The following ANKRD52 variants were observed in gnomAD, a reference collection of about 807,000 sequenced individuals.
ANKRD52 encodes ankyrin repeat domain 52.
A neutral mutation model predicts 116.0 loss-of-function variants in ANKRD52; 7 were observed. The observed-to-expected ratio is 0.06, with a 90% CI of 0.03 to 0.11. The LOEUF (loss-of-function observed/expected upper bound fraction) is 0.11, where lower values mean the gene tolerates loss of function less well. ANKRD52 is among the 10% of genes least tolerant of loss of function. The pLI, the probability that ANKRD52 is intolerant of heterozygous loss-of-function variation, is 1.00. For missense variants in ANKRD52, 839 were observed against 1,408.6 expected (o/e 0.60, Z 6.47); for synonymous variants, 528 against 578.1 (o/e 0.91, Z 1.24).
At chr12:56,245,296 TCCC>T in intron 21 of ANKRD52, 78 bp downstream of exon 21, 1 of 1,599,338 alleles carries the variant, frequency 6.3e-7, no homozygotes, top group Non-Finnish European at 8.5e-7. Context: ...TCAACCCAGG[TCCC>T]CCCCAACAAC....
intron 20 of ANKRD52, among the ~76,000 whole-genome samples, chr12:56,246,989 A>G (rs1456755448): frequency 6.7e-6 from 1 of 149,308 alleles, no homozygotes; most frequent in Non-Finnish European, 1.5e-5. Flanking sequence ...AAGCACAGAT[A>G]TCAGGGAAAT....
In ANKRD52 at chr12:56,253,789, C is replaced by T; in HGVS notation, c.918G>A (p.Gly306=). 1.2e-6 allele frequency: 2 copies of T among 1,613,890 alleles called. No homozygotes were observed. Among genetic ancestry groups the T allele is most frequent in the African/African-American group, 1.3e-5 (1 of 75,014 alleles). The change falls in exon 9 of 28, where the codon GGG becomes GGA. Residue 306 remains glycine, a synonymous_variant. Coordinates refer to ENST00000267116, the MANE Select transcript of ANKRD52 (RefSeq NM_173595.4). The surrounding 1 kb of genome is among the most constrained non-coding windows in gnomAD (Gnocchi z 5.5). ...TTGCAGCCATGTGCAGAGGACTTTTCCCTTCTTTGCTCTGTGGAAACATGG... is the reference window on the plus strand; with the variant it reads ...TTGCAGCCATGTGCAGAGGACTTTTTCCTTCTTTGCTCTGTGGAAACATGG... ...GADVNYQSKE[G]KSPLHMAAIH... is the part of the protein sequence containing the mutation.
chr12:56,257,229 T>G lies in ANKRD52; in HGVS notation c.190+54A>C, dbSNP rs568043739. ...GCAATCCTTGAATATCAAAAAAGAC[T>G]CCTCCCCTCCCTTCGCTCCCTATGT... On this transcript the variant is annotated intron_variant, in intron 3 of 27. Coordinates refer to ENST00000267116, the MANE Select transcript of ANKRD52 (RefSeq NM_173595.4). 17 of 1,549,260 alleles carry G rather than the reference T, an allele frequency of 1.1e-5. No individual in the cohort carries two copies. The South Asian group carries it at 1.9e-4, about 17-fold the overall frequency.
Position 56,248,243 on chromosome 12 carries a change from C to G in ANKRD52, c.1777-19G>C. The G allele has an allele frequency of 6.2e-7, 1 of 1,612,404 alleles. No homozygotes were observed. Among genetic ancestry groups the G allele is most frequent in the Non-Finnish European group, 8.5e-7 (1 of 1,179,330 alleles). ...TGTAGGCCTGGCAAGGTGCAGGCAA[C>G]CAGTGCACACAGCTCGGGACCTTCC... On this transcript the variant is annotated intron_variant, in intron 17 of 27. Coordinates refer to ENST00000267116, the MANE Select transcript of ANKRD52 (RefSeq NM_173595.4). This position sits in a 1 kb window ranked among gnomAD's most constrained non-coding sequence, Gnocchi z 5.1.
At position 56,252,260 on chromosome 12, in the gene ANKRD52, C is replaced by T; in HGVS notation, c.1426G>A (p.Val476Met). The T allele has an allele frequency of 6.2e-7, 1 of 1,613,974 alleles. No homozygotes were observed. Among genetic ancestry groups the T allele is most frequent in the South Asian group, 1.1e-5 (1 of 91,086 alleles). The change falls in exon 14 of 28, where the codon GTG becomes ATG. Residue 476 changes from valine to methionine, a missense_variant. Coordinates refer to ENST00000267116, the MANE Select transcript of ANKRD52 (RefSeq NM_173595.4). The surrounding 1 kb of genome is among the most constrained non-coding windows in gnomAD (Gnocchi z 4.7). Reference protein sequence around the residue: ...NGSYQCAVTLVTAGAGVNEAD... With the variant: ...NGSYQCAVTLMTAGAGVNEAD... ...TCGTTGACACCTGCCCCAGCAGTCA[C>T]CAATGTTACTGCACACTGGTAGCTA...
At chr12:56,256,418 A>G (rs1871955388) in intron 4 of ANKRD52, among the ~76,000 whole-genome samples, 1 of 152,170 alleles carries the variant, frequency 6.6e-6, no homozygotes. Flanking sequence ...TATCTCAGTA[A>G]GCAAACAGAT....
rs762207581 is a variant in ANKRD52 at position 56,252,227 on chromosome 12, A to G, written c.1459T>C (p.Cys487Arg). 5.6e-6 allele frequency: 9 copies of G among 1,613,976 alleles called. No individual in the cohort carries two copies. The highest frequency in any genetic ancestry group is 6.8e-6 in the Non-Finnish European group (8 of 1,179,878). Residue 487 changes from cysteine to arginine, a missense_variant, in exon 14 of 28, where the codon TGT becomes CGT. Transcript: ENST00000267116. The surrounding 1 kb of genome is among the most constrained non-coding windows in gnomAD (Gnocchi z 4.7). ...TAGTGGAGGGGAGAGCAGCCTTTAC[A>G]GTCGGCCTCGTTGACACCTGCCCCA... ...TAGAGVNEAD[C>R]KGCSPLHYAA...
At chr12:56,256,579 TG>T (rs1871964780) in intron 4 of ANKRD52, among the ~76,000 whole-genome samples, 1 of 152,100 alleles carries the variant, frequency 6.6e-6, no homozygotes, top group Admixed American at 6.6e-5. Context: ...TCAGGGCTGA[TG>T]GGAATAGGAT....
At position 56,258,277 on chromosome 12, in the gene ANKRD52, C is replaced by T. The variant is rs764273733; in HGVS notation, c.-8G>A. 1.1e-5 allele frequency: 17 copies of T among 1,578,322 alleles called. No individual in the cohort carries two copies. The highest frequency in any genetic ancestry group is 1.5e-5 in the Non-Finnish European group (17 of 1,165,732). On this transcript the variant is annotated 5_prime_UTR_variant, in exon 1 of 28. Coordinates refer to ENST00000267116, the MANE Select transcript of ANKRD52 (RefSeq NM_173595.4). The stretch of plus-strand genomic sequence containing the variant: ...GATGCTGAGGATCCCCATGGCTCGG[C>T]CCGGGCTCCGTCCGCATCGAGCTCC...
At position 56,248,141 on chromosome 12, in the gene ANKRD52, G is replaced by A. The variant is rs748521349; in HGVS notation, c.1860C>T (p.Thr620=). Reference sequence around the variant, plus strand: ...CGCGCTCCGTGGCCAGGAAGAGTGCGGTCCGGCCCTTGTGGTCCCTTACGT... The same window carrying A: ...CGCGCTCCGTGGCCAGGAAGAGTGCAGTCCGGCCCTTGTGGTCCCTTACGT... ...NLDVRDHKGR[T]ALFLATERGS... Residue 620 remains threonine, a synonymous_variant, in exon 18 of 28, where the codon ACC becomes ACT. Coordinates refer to ENST00000267116, the MANE Select transcript of ANKRD52 (RefSeq NM_173595.4). This position sits in a 1 kb window ranked among gnomAD's most constrained non-coding sequence, Gnocchi z 5.1. The A allele has an allele frequency of 5.6e-5, 91 of 1,613,814 alleles. No individual in the cohort carries two copies. Among genetic ancestry groups the A allele is most frequent in the Admixed American group, 2.3e-4 (14 of 60,014 alleles).
rs1336567849 is a variant in ANKRD52, at chr12:56,254,768, G to C, written c.551-48C>G. On this transcript the variant is annotated intron_variant, in intron 6 of 27. Coordinates refer to ENST00000267116, the MANE Select transcript of ANKRD52 (RefSeq NM_173595.4). The surrounding 1 kb of genome is among the most constrained non-coding windows in gnomAD (Gnocchi z 4.6). Reference sequence around the variant, plus strand: ...AAAGGAAGTAGAAGGTAAACTCTAAGACCCTACACTCCTCTCTTCAAAGGC... The same window carrying C: ...AAAGGAAGTAGAAGGTAAACTCTAACACCCTACACTCCTCTCTTCAAAGGC... The C allele has an allele frequency of 6.3e-7, 1 of 1,598,374 alleles. No homozygotes were observed. Among genetic ancestry groups the C allele is most frequent in the African/African-American group, 1.3e-5 (1 of 74,556 alleles).
At chr12:56,245,992 G>A (rs1390885271) in intron 20 of ANKRD52, among the ~76,000 whole-genome samples, 1 of 151,814 alleles carries the variant, frequency 6.6e-6, no homozygotes, top group Admixed American at 6.6e-5. Flanking sequence ...TGGGATTACA[G>A]GCATGAGCCA....
In ANKRD52 at chr12:56,255,020, G is replaced by C; in HGVS notation, c.463-68C>G. ...TGCCCTCAACCTACCTAAGAGCAGAGGCCTCATCTCCTGAAAAGGCTGAGG... is the reference window on the plus strand; with the variant it reads ...TGCCCTCAACCTACCTAAGAGCAGACGCCTCATCTCCTGAAAAGGCTGAGG... On this transcript the variant is annotated intron_variant, in intron 5 of 27. Coordinates refer to ENST00000267116, the MANE Select transcript of ANKRD52 (RefSeq NM_173595.4). The surrounding 1 kb of genome is among the most constrained non-coding windows in gnomAD (Gnocchi z 4.3). The C allele has an allele frequency of 2.0e-6, 3 of 1,521,412 alleles. No individual in the cohort carries two copies. The highest frequency in any genetic ancestry group is 2.7e-6 in the Non-Finnish European group (3 of 1,101,210). 94.2% of individuals were successfully genotyped at this position (1,521,412 alleles called of 1,614,324 possible).
At position 56,242,760 on chromosome 12, in the gene ANKRD52, C is replaced by T. The variant is rs991479751; in HGVS notation, c.*382G>A. On this transcript the variant is annotated 3_prime_UTR_variant, in exon 28 of 28. Coordinates refer to ENST00000267116, the MANE Select transcript of ANKRD52 (RefSeq NM_173595.4). The surrounding 1 kb of genome is among the most constrained non-coding windows in gnomAD (Gnocchi z 4.3). ...GGGTATGGAAGAAGAGGGGATCTGC[C>T]TGGCAGTAGGGGCAGGGGAGAAGGG... The T allele has an allele frequency of 3.0e-5, 7 of 230,330 alleles. No homozygotes were observed. The highest frequency in any genetic ancestry group is 6.0e-5 in the Non-Finnish European group (7 of 116,648). The allele number at this position is 230,330 out of a possible 1,614,324, so 14.3% of individuals were successfully genotyped here. A position where few individuals can be genotyped will look rare whatever the true frequency, so the allele number is the denominator to read the frequency against.
Position 56,258,349 on chromosome 12 carries a change from C to A in ANKRD52, c.-80G>T. 1.5e-6 allele frequency: 2 copies of A among 1,377,044 alleles called. No homozygotes were observed. Among genetic ancestry groups the A allele is most frequent in the Non-Finnish European group, 1.9e-6 (2 of 1,064,404 alleles). 85.3% of individuals were successfully genotyped at this position (1,377,044 alleles called of 1,614,324 possible). On this transcript the variant is annotated 5_prime_UTR_variant, in exon 1 of 28. Transcript: ENST00000267116. ...CACCGGGGACACGGAGCGGCCCAGGCGGCGGCTGCGGTGGCGGCTGCAGGG... is the reference window on the plus strand; with the variant it reads ...CACCGGGGACACGGAGCGGCCCAGGAGGCGGCTGCGGTGGCGGCTGCAGGG...
chr12:56,246,016 T>C (rs1871383342), intron 20 of ANKRD52, among the ~76,000 whole-genome samples: 1 of 151,774 alleles, frequency 6.6e-6, no homozygotes, highest in Non-Finnish European at 1.5e-5. Context: ...GCCTCAATCC[T>C]TGTCTTTACA....
Position 56,242,944 on chromosome 12 carries a change from GCTCC to G in ANKRD52, c.*194_*197del, listed in dbSNP as rs981254563. 8.1e-6 allele frequency: 6 copies of G among 742,612 alleles called. No homozygotes were observed. The highest frequency in any genetic ancestry group is 3.5e-5 in the African/African-American group (2 of 56,654). The allele number at this position is 742,612 out of a possible 1,614,324, so 46.0% of individuals were successfully genotyped here. A position where few individuals can be genotyped will look rare whatever the true frequency, so the allele number is the denominator to read the frequency against. On this transcript the variant is annotated 3_prime_UTR_variant, in exon 28 of 28. Coordinates refer to ENST00000267116, the MANE Select transcript of ANKRD52 (RefSeq NM_173595.4). The surrounding 1 kb of genome is among the most constrained non-coding windows in gnomAD (Gnocchi z 4.3). ...CCTGGGGGTACCAAGGGCCTGGGGT[GCTCC>G]CTGTCAGTCCCAGACCCCTGCCAGG...
At position 56,242,815 on chromosome 12, in the gene ANKRD52, T is replaced by G. The variant is rs1871221432; in HGVS notation, c.*327A>C. The stretch of plus-strand genomic sequence containing the variant: ...ACAGAGAGGAGTCCCCAGGGAAGAG[T>G]CGGGGGAGCTGGCAGCAGAAAGAGG... On this transcript the variant is annotated 3_prime_UTR_variant, in exon 28 of 28. Coordinates refer to ENST00000267116, the MANE Select transcript of ANKRD52 (RefSeq NM_173595.4). The surrounding 1 kb of genome is among the most constrained non-coding windows in gnomAD (Gnocchi z 4.3). The G allele has an allele frequency of 1.6e-5, 5 of 304,732 alleles. No individual in the cohort carries two copies. Among genetic ancestry groups the G allele is most frequent in the South Asian group, 6.4e-5 (1 of 15,552 alleles). The allele number at this position is 304,732 out of a possible 1,614,324, so 18.9% of individuals were successfully genotyped here.
Position 56,257,073 on chromosome 12 carries a change from T to C in ANKRD52, c.203A>G (p.Asn68Ser). 1 of 1,613,238 alleles carries C rather than the reference T, an allele frequency of 6.2e-7. No homozygotes were observed. Among genetic ancestry groups the C allele is most frequent in the South Asian group, 1.1e-5 (1 of 90,990 alleles). Residue 68 changes from asparagine (N) to serine (S), a missense_variant, in exon 4 of 28, where the codon AAT (asparagine) becomes AGT (serine). Transcript: ENST00000267116. ...QLLLMSGANV[N>S]AKDTLWLTPL... ...GGTCAGCCACAGTGTGTCCTTAGCA[T>C]TGACATTAGCACCTGTGGGGATATA...
Sources: allele counts gnomAD v4.1 joint callset (sites outside exome capture counted in the v4.1 genomes callset), GRCh38; gene constraint gnomAD v4.1.1; non-coding constraint Gnocchi (gnomAD v3.1); transcripts MANE v1.5; gene names NCBI Gene and HGNC (gene_info 2026-07-23, HGNC 2026-07-21).